The following UQCRC2 variants were observed in gnomAD, a reference collection of about 807,000 sequenced individuals.
The protein encoded by UQCRC2 is cytochrome b-c1 complex subunit 2, mitochondrial.
A neutral mutation model predicts 55.6 loss-of-function variants in UQCRC2; 49 were observed. The ratio of observed to expected loss-of-function variants is 0.88; its 90% CI spans 0.70 to 1.12. The LOEUF (loss-of-function observed/expected upper bound fraction) is 1.12. Ranked by LOEUF, UQCRC2 falls within the 50% of genes most tolerant of loss-of-function variation. The pLI, the probability that UQCRC2 is intolerant of heterozygous loss-of-function variation, is 0.00. For synonymous variants in UQCRC2, 193 were observed against 192.0 expected, an observed-to-expected ratio of 1.01 and a Z score of -0.04; for missense variants, 506 against 547.8, an observed-to-expected ratio of 0.92 and a Z score of 0.76.
At chr16:21,977,527 T>G (rs985341838) in intron 12 of UQCRC2, among the ~76,000 whole-genome samples, 1 of 152,166 alleles carries the variant, frequency 6.6e-6, no homozygotes, top group African/African-American at 2.4e-5. Flanking sequence ...CTAAAATACT[T>G]GTCTGCTATT....
In UQCRC2 at chr16:21,962,486, C is replaced by T. The variant is rs1898227524; in HGVS notation, c.359C>T (p.Ala120Val). Residue 120 changes from alanine to valine, a missense_variant, in exon 5 of 14, where the codon GCT becomes GTT. Coordinates refer to ENST00000268379, the MANE Select transcript of UQCRC2 (RefSeq NM_003366.4). ...LSVTATRENM[A>V]YTVECLRGDV... ...GTGACCGCAACAAGGGAAAACATGG[C>T]TTATACTGTGGAATGCCTGCGGGGT... 6.2e-7 allele frequency: 1 copy of T among 1,614,132 alleles called. No individual in the cohort carries two copies. The highest frequency in any genetic ancestry group is 2.2e-5 in the East Asian group (1 of 44,888).
chr16:21,974,027 C>T (rs369495997), intron 11 of UQCRC2, 51 bp downstream of exon 11: 3 of 1,471,200 alleles, frequency 2.0e-6, no homozygotes, highest in Non-Finnish European at 2.8e-6. Flanking sequence ...ATTTCTCCCC[C>T]CCGCCATAAA....
chr16:21,957,535 C>T lies in UQCRC2; in HGVS notation c.236C>T (p.Thr79Ile), dbSNP rs1898108533. 2.5e-6 allele frequency: 4 copies of T among 1,614,116 alleles called. No homozygotes were observed. The highest frequency in any genetic ancestry group is 1.3e-5 in the African/African-American group (1 of 75,014). The part of the protein sequence containing the change: ...SRYEDFSNLG[T>I]THLLRLTSSL... Reference sequence around the variant, plus strand: ...TATGAGGACTTCAGCAATTTAGGAACCACCCATTTGCTGCGTCTTACATCC... The same window carrying T: ...TATGAGGACTTCAGCAATTTAGGAATCACCCATTTGCTGCGTCTTACATCC... The change falls in exon 3 of 14, where the codon ACC becomes ATC. Residue 79 changes from threonine to isoleucine, a missense_variant. Physicochemically the swap from Thr to Ile is moderately conservative, Grantham distance 89. Transcript: ENST00000268379.
intron 6 of UQCRC2, among the ~76,000 whole-genome samples, chr16:21,963,495 G>A (rs147639389): frequency 1.3e-5 from 2 of 151,550 alleles, no homozygotes; most frequent in African/African-American, 2.4e-5. Flanking sequence ...TTTGAGACAG[G>A]GTGTTGCTTG....
In UQCRC2 at chr16:21,971,954, T is replaced by G. The variant is rs1448149207; in HGVS notation, c.798T>G (p.Leu266=). Reference sequence around the variant, plus strand: ...TCCGAGAACAGAATGGAGACAGTCTTGTCCATGCTGCTTTTGTAGCAGAAA... The same window carrying G: ...TCCGAGAACAGAATGGAGACAGTCTGGTCCATGCTGCTTTTGTAGCAGAAA... ...GEIREQNGDS[L]VHAAFVAESA... is the part of the protein sequence containing the mutation. Residue 266 remains leucine, a synonymous_variant, in exon 10 of 14, where the codon CTT becomes CTG. Coordinates refer to ENST00000268379, the MANE Select transcript of UQCRC2 (RefSeq NM_003366.4). The G allele has an allele frequency of 6.2e-7, 1 of 1,614,172 alleles. No individual in the cohort carries two copies. Among genetic ancestry groups the G allele is most frequent in the Admixed American group, 1.7e-5 (1 of 60,026 alleles).
At chr16:21,955,170 G>T (rs577740521) in intron 1 of UQCRC2, among the ~76,000 whole-genome samples, 1 of 151,934 alleles carries the variant, frequency 6.6e-6, no homozygotes, top group East Asian at 1.9e-4. Flanking sequence ...TATTTGAATT[G>T]CTATGCCCAT....
chr16:21,964,243 A>C (rs542669404), intron 6 of UQCRC2, among the ~76,000 whole-genome samples: 1 of 152,254 alleles, frequency 6.6e-6, no homozygotes, highest in Admixed American at 6.5e-5. Flanking sequence ...AGAAAAGATG[A>C]CCTATGTGTC....
At position 21,971,556 on chromosome 16, in the gene UQCRC2, T is replaced by C. The variant is rs1411377599; in HGVS notation, c.702T>C (p.Ala234=). The change falls in exon 9 of 14, where the codon GCT becomes GCC. Residue 234 remains alanine (A), a synonymous_variant. Transcript: ENST00000268379. ...GVSHPVLKQV[A]EQFLNMRGGL... is the part of the protein sequence containing the mutation. ...GTCATCCTGTTCTAAAGCAAGTTGC[T>C]GAACAGTTTCTCAACATGAGGGGTG... 6.2e-7 allele frequency: 1 copy of C among 1,614,176 alleles called. No homozygotes were observed. The highest frequency in any genetic ancestry group is 2.2e-5 in the East Asian group (1 of 44,890).
At position 21,973,986 on chromosome 16, in the gene UQCRC2, A is replaced by C. The variant is rs1388833046; in HGVS notation, c.1047+10A>C. On this transcript the variant is annotated intron_variant, in intron 11 of 13. Coordinates refer to ENST00000268379, the MANE Select transcript of UQCRC2 (RefSeq NM_003366.4). ...CACAGCTGCTGGAGATGTAAGTTGC[A>C]AACTCACCAAACTTCTTTCATGAAC... 1 of 1,594,050 alleles carries C rather than the reference A, an allele frequency of 6.3e-7. No homozygotes were observed. The highest frequency in any genetic ancestry group is 1.1e-5 in the South Asian group (1 of 87,370).
intron 7 of UQCRC2, 104 bp from the exon 8 acceptor site, chr16:21,968,523 TA>T: frequency 1.0e-6 from 1 of 962,302 alleles, no homozygotes; most frequent in Non-Finnish European, 1.5e-6. Context: ...CAGCAACTTA[TA>T]AGGCCTTATA....
At chr16:21,974,337 G>A (rs1161459356) in intron 11 of UQCRC2, among the ~76,000 whole-genome samples, 1 of 152,142 alleles carries the variant, frequency 6.6e-6, no homozygotes, top group East Asian at 1.9e-4. Context: ...GTGAATGATT[G>A]TAGGAAAAGA....
intron 10 of UQCRC2, 66 bp from the exon 11 acceptor site, chr16:21,973,830 C>T: frequency 1.3e-6 from 2 of 1,487,182 alleles, no homozygotes; most frequent in East Asian, 4.5e-5. Context: ...TCTAGGCAAA[C>T]TTAAAGAAAT....
intron 7 of UQCRC2, among the ~76,000 whole-genome samples, chr16:21,965,926 C>T (rs899957068): frequency 3.3e-5 from 5 of 152,094 alleles, no homozygotes; most frequent in Non-Finnish European, 5.9e-5. Flanking sequence ...TCAAGCAGTC[C>T]TTCTGCCTAT....
intron 9 of UQCRC2, 98 bp downstream of exon 9, chr16:21,971,718 A>G (rs1898466060): frequency 1.5e-6 from 2 of 1,374,960 alleles, no homozygotes; most frequent in African/African-American, 2.9e-5. Flanking sequence ...TTACTACTGA[A>G]CAGTCTCGGC....
At chr16:21,963,909 A>AT (rs1458922090) in intron 6 of UQCRC2, among the ~76,000 whole-genome samples, 1 of 152,138 alleles carries the variant, frequency 6.6e-6, no homozygotes, top group Non-Finnish European at 1.5e-5. Context: ...AAGTAACTTA[A>AT]TTTTTTTAAT....
chr16:21,980,793 A>AT (rs1241956035), intron 13 of UQCRC2, 93 bp downstream of exon 13: 1 of 1,455,354 alleles, frequency 6.9e-7, no homozygotes, highest in Non-Finnish European at 9.3e-7. Context: ...TGGGCAGTGT[A>AT]TTATTCTTAT....
intron 12 of UQCRC2, among the ~76,000 whole-genome samples, chr16:21,977,616 C>G (rs753719049): frequency 6.6e-6 from 1 of 152,184 alleles, no homozygotes; most frequent in Non-Finnish European, 1.5e-5. Flanking sequence ...GAGGGTTTCT[C>G]TAAAAGAGAC....
intron 13 of UQCRC2, among the ~76,000 whole-genome samples, 181 bp downstream of exon 13, chr16:21,980,881 C>G (rs1311885960): frequency 6.6e-6 from 1 of 152,042 alleles, no homozygotes; most frequent in African/African-American, 2.4e-5. Context: ...CCTGTCAGCT[C>G]GAGTATATGT....
Position 21,962,762 on chromosome 16 carries a change from G to A in UQCRC2, c.391G>A (p.Asp131Asn). The A allele has an allele frequency of 6.2e-7, 1 of 1,614,060 alleles. No individual in the cohort carries two copies. Among genetic ancestry groups the A allele is most frequent in the Non-Finnish European group, 8.5e-7 (1 of 1,180,022 alleles). Residue 131 changes from aspartate to asparagine, a missense_variant and splice_region_variant, in exon 6 of 14, where the codon GAT (aspartate) becomes AAT (asparagine). Asp to Asn is a conservative substitution (Grantham distance 23). Transcript: ENST00000268379. ...YTVECLRGDV[D>N]ILMEFLLNVT... ...TTCTTATCTCGATGTCTTCTGTAGT[G>A]ATATTCTAATGGAGTTCCTGCTCAA... is the stretch of plus-strand genomic sequence containing the variant.
Sources: gnomAD v4.1 joint callset for allele counts (sites outside exome capture counted in the v4.1 genomes callset) on GRCh38, gnomAD v4.1.1 for gene constraint, MANE v1.5 for transcripts, NCBI Gene and HGNC (gene_info 2026-07-23, HGNC 2026-07-21) for gene names.